KCNN2: variants seen among roughly 807,000 people sequenced by gnomAD.
KCNN2 encodes the protein small conductance calcium-activated potassium channel protein 2.
KCNN2 carries 24 observed loss-of-function variants against 55.5 expected under a neutral mutation model. The ratio of observed to expected loss-of-function variants is 0.43; its 90% CI spans 0.31 to 0.61. KCNN2 has a LOEUF of 0.61. Ranked by LOEUF, KCNN2 falls within the 20% of genes least tolerant of loss-of-function variation. The pLI is 0.08. For synonymous variants in KCNN2, 431 were observed against 336.1 expected, an observed-to-expected ratio of 1.28 and a Z score of -3.09; for missense variants, 754 against 853.6, an observed-to-expected ratio of 0.88 and a Z score of 1.45.
chr5:114,455,179 A>C (rs1760864931), intron 3 of KCNN2, among the ~76,000 whole-genome samples: 1 of 152,116 alleles, frequency 6.6e-6, no homozygotes, highest in Admixed American at 6.6e-5. Context: ...CATTTTTTAC[A>C]AACTGAAGGA....
chr5:114,430,398 A>G (rs1340276047), intron 3 of KCNN2, among the ~76,000 whole-genome samples: 1 of 151,982 alleles, frequency 6.6e-6, no homozygotes, highest in African/African-American at 2.4e-5. Context: ...TGTGTTTTTT[A>G]TTTTAAATTC....
At chr5:114,405,570 G>A (rs1758905467) in intron 3 of KCNN2, among the ~76,000 whole-genome samples, 1 of 152,128 alleles carries the variant, frequency 6.6e-6, no homozygotes, top group South Asian at 2.1e-4. Flanking sequence ...GTCTCATAGT[G>A]GGCTACAGAG....
At chr5:114,214,616 C>A (rs1439281918) in intron 1 of KCNN2, among the ~76,000 whole-genome samples, 2 of 152,076 alleles carry the variant, frequency 1.3e-5, no homozygotes, top group African/African-American at 4.8e-5. Context: ...GGACTCCCCA[C>A]AATTCCTGAG....
intron 2 of KCNN2, among the ~76,000 whole-genome samples, chr5:114,371,647 A>T (rs1757761983): frequency 6.6e-6 from 1 of 152,176 alleles, no homozygotes; most frequent in Non-Finnish European, 1.5e-5. Context: ...GAATAAGTTC[A>T]TTTCCCTTTT....
intron 1 of KCNN2, among the ~76,000 whole-genome samples, chr5:114,180,610 C>A (rs1009826894): frequency 6.6e-6 from 1 of 152,278 alleles, no homozygotes; most frequent in Admixed American, 6.5e-5. Context: ...ATTTGGCTAT[C>A]TATACATATA....
At chr5:114,383,285 T>C (rs1758180969) in intron 2 of KCNN2, among the ~76,000 whole-genome samples, 1 of 152,126 alleles carries the variant, frequency 6.6e-6, no homozygotes, top group Admixed American at 6.5e-5. Context: ...TGCTCTCTCA[T>C]TCATGTAGTA....
chr5:114,443,328 G>A (rs1230768944), intron 3 of KCNN2, among the ~76,000 whole-genome samples: 1 of 151,616 alleles, frequency 6.6e-6, no homozygotes, highest in East Asian at 1.9e-4. Flanking sequence ...AAAAAAAAGA[G>A]GCTTAAGAAC....
chr5:114,449,228 C>T (rs1203043815), intron 3 of KCNN2, among the ~76,000 whole-genome samples: 1 of 152,106 alleles, frequency 6.6e-6, no homozygotes, highest in Non-Finnish European at 1.5e-5. Flanking sequence ...CCTCTCCCTC[C>T]TCTCCTTCTC....
chr5:114,120,366 C>T (rs1253532920), intron 1 of KCNN2, among the ~76,000 whole-genome samples: 1 of 152,056 alleles, frequency 6.6e-6, no homozygotes, highest in African/African-American at 2.4e-5. Flanking sequence ...TTGTTTATCC[C>T]ATCACTGGGG....
At chr5:114,373,290 A>G (rs1757820515) in intron 2 of KCNN2, among the ~76,000 whole-genome samples, 1 of 151,992 alleles carries the variant, frequency 6.6e-6, no homozygotes, top group African/African-American at 2.4e-5. Context: ...AGGCTTCTAA[A>G]AGGGTATCCC....
At chr5:114,415,783 A>G (rs1759288081) in intron 3 of KCNN2, among the ~76,000 whole-genome samples, 1 of 152,168 alleles carries the variant, frequency 6.6e-6, no homozygotes, top group Non-Finnish European at 1.5e-5. Flanking sequence ...GGTTACTAGT[A>G]TGTTATCAAA....
intron 1 of KCNN2, among the ~76,000 whole-genome samples, chr5:114,058,006 T>G (rs1057436129): frequency 6.6e-6 from 1 of 152,184 alleles, no homozygotes; most frequent in African/African-American, 2.4e-5. Context: ...ATATCCTAAT[T>G]TCAACATTTG....
chr5:114,091,124 A>G (rs978544041), intron 1 of KCNN2, among the ~76,000 whole-genome samples: 7 of 152,106 alleles, frequency 4.6e-5, no homozygotes, highest in African/African-American at 1.7e-4. Context: ...ACAGGTGTGA[A>G]CCACTGTGCC....
At chr5:114,345,800 A>G (rs1757095039) in intron 2 of KCNN2, among the ~76,000 whole-genome samples, 1 of 151,498 alleles carries the variant, frequency 6.6e-6, no homozygotes, top group Non-Finnish European at 1.5e-5. Flanking sequence ...ATTTTTTTTG[A>G]GATGGAGTTT....
intron 1 of KCNN2, among the ~76,000 whole-genome samples, chr5:114,079,131 CA>C (rs1451779891): frequency 7.9e-5 from 12 of 152,106 alleles, no homozygotes; most frequent in Non-Finnish European, 1.8e-4. Flanking sequence ...CATTGACTCA[CA>C]AATTTCCTGG....
chr5:114,435,430 C>T (rs1191139656), intron 3 of KCNN2, among the ~76,000 whole-genome samples: 1 of 151,974 alleles, frequency 6.6e-6, no homozygotes, highest in Non-Finnish European at 1.5e-5. Flanking sequence ...AGGATAGGAA[C>T]GATGAGTCTC....
intron 1 of KCNN2, among the ~76,000 whole-genome samples, chr5:114,168,053 C>G (rs1362541075): frequency 6.6e-6 from 1 of 151,742 alleles, no homozygotes; most frequent in Non-Finnish European, 1.5e-5. Flanking sequence ...TAGCTAGTTT[C>G]TGATTTATAT....
At chr5:114,474,396 A>G (rs1307401795) in intron 5 of KCNN2, among the ~76,000 whole-genome samples, 1 of 152,172 alleles carries the variant, frequency 6.6e-6, no homozygotes, top group African/African-American at 2.4e-5. Context: ...TTCAGATGCT[A>G]CATTTTCAGC....
At chr5:114,316,500 G>A (rs983287309) in intron 2 of KCNN2, among the ~76,000 whole-genome samples, 2 of 152,142 alleles carry the variant, frequency 1.3e-5, no homozygotes, top group African/African-American at 4.8e-5. Flanking sequence ...ACATTGCCCA[G>A]CTGGGGAGAA....
Sources: allele counts gnomAD v4.1 joint callset (sites outside exome capture counted in the v4.1 genomes callset), GRCh38; gene constraint gnomAD v4.1.1; transcripts MANE v1.5; gene names NCBI Gene and HGNC (gene_info 2026-07-23, HGNC 2026-07-21).